Variants in RAB9B observed in about 807,000 individuals in gnomAD.
The protein encoded by RAB9B is ras-related protein Rab-9B.
In RAB9B, 1 loss-of-function variant was observed where a neutral mutation model predicts 8.9. That is an observed-to-expected ratio of 0.11 (90% CI 0.04 to 0.53). The LOEUF is 0.53. RAB9B is among the 20% of genes least tolerant of loss of function. The pLI is 0.93. For missense variants in RAB9B, 82 were observed against 152.9 expected (o/e 0.54, Z 2.45); for synonymous variants, 63 against 57.0 (o/e 1.10, Z -0.47).
downstream of RAB9B, among the ~76,000 whole-genome samples, chrX:103,820,921 G>A (rs369124734): frequency 9.5e-6 from 1 of 105,805 alleles, no homozygotes; most frequent in East Asian, 2.9e-4. Flanking sequence ...CTGCACTCCA[G>A]CCTGGGCAAC....
At chrX:103,786,667 G>A in the RAB9B span, 1 of 1,211,368 alleles carries the variant, frequency 8.3e-7, no homozygotes, top group Non-Finnish European at 1.1e-6. Flanking sequence ...CCAACATCAA[G>A]CTCATTCTTT....
the RAB9B span, among the ~76,000 whole-genome samples, chrX:103,802,612 A>G: frequency 8.9e-6 from 1 of 112,138 alleles, no homozygotes; most frequent in Admixed American, 9.4e-5. Context: ...AAATAAACTC[A>G]TATCACCAGC....
rs1422038578 is a variant in RAB9B, at chrX:103,823,415, A to G, written c.*1764T>C. 1 of 111,581 alleles carries G rather than the reference A, an allele frequency of 9.0e-6. No individual in the cohort carries two copies. Among genetic ancestry groups the G allele is most frequent in the Non-Finnish European group, 1.9e-5 (1 of 53,155 alleles). The allele number at this position is 111,581 out of a possible 1,213,427, so 9.2% of individuals were successfully genotyped here. A position where few individuals can be genotyped will look rare whatever the true frequency, so the allele number is the denominator to read the frequency against. ...TTGAAATACTGTCCTCTTCTTTTCT[A>G]TTTGGCCAATATGTCCCAGAGCTCT... On this transcript the variant is annotated 3_prime_UTR_variant, in exon 3 of 3. Coordinates refer to ENST00000243298, the MANE Select transcript of RAB9B (RefSeq NM_016370.4).
the RAB9B span, among the ~76,000 whole-genome samples, chrX:103,816,700 T>C: frequency 8.9e-6 from 1 of 112,006 alleles, no homozygotes; most frequent in African/African-American, 3.2e-5. Flanking sequence ...AGGGCTAATA[T>C]CCAGAATCTA....
downstream of RAB9B, among the ~76,000 whole-genome samples, chrX:103,817,713 A>G (rs1009881389): frequency 8.1e-5 from 9 of 110,543 alleles, no homozygotes; most frequent in Admixed American, 2.0e-4. Flanking sequence ...CTATCTCTGC[A>G]TTTATATTTA....
At chrX:103,794,229 G>A in the RAB9B span, among the ~76,000 whole-genome samples, 9 of 111,583 alleles carry the variant, frequency 8.1e-5, no homozygotes, top group Non-Finnish European at 9.4e-5. Flanking sequence ...TCTCCCCTCA[G>A]TATGTGGGAG....
At chrX:103,782,362 AG>A in the RAB9B span, among the ~76,000 whole-genome samples, 2 of 112,145 alleles carry the variant, frequency 1.8e-5, no homozygotes, top group Admixed American at 1.9e-4. Flanking sequence ...GGAGCAGAAA[AG>A]GGGATGCTAA....
chrX:103,779,189 C>T, the RAB9B span, among the ~76,000 whole-genome samples: 1 of 112,390 alleles, frequency 8.9e-6, no homozygotes, highest in Non-Finnish European at 1.9e-5. Context: ...AGAGCAGTAG[C>T]TGATTATTCT....
At chrX:103,788,272 C>A in the RAB9B span, among the ~76,000 whole-genome samples, 1 of 111,944 alleles carries the variant, frequency 8.9e-6, no homozygotes, top group Admixed American at 9.5e-5. Context: ...TCAATACCAC[C>A]TTCTCTTTTT....
At position 103,823,548 on chromosome X, in the gene RAB9B, G is replaced by C. The variant is rs757442446; in HGVS notation, c.*1631C>G. The C allele has an allele frequency of 1.8e-5, 2 of 111,337 alleles. No homozygotes were observed. The highest frequency in any genetic ancestry group is 3.8e-4 in the South Asian group (1 of 2,621). The allele number at this position is 111,337 out of a possible 1,213,427, so 9.2% of individuals were successfully genotyped here. ...AGCTCCCACCCCCTTCCTGGCCTAG[G>C]TCTCTTTTTGGGGTAATTTCTGTCT... On this transcript the variant is annotated 3_prime_UTR_variant, in exon 3 of 3. Transcript: ENST00000243298.
the RAB9B span, among the ~76,000 whole-genome samples, chrX:103,807,917 T>C: frequency 8.9e-6 from 1 of 112,350 alleles, no homozygotes; most frequent in Non-Finnish European, 1.9e-5. Flanking sequence ...TTCTGAGCAC[T>C]GAGCAGTCAT....
At chrX:103,783,869 C>G in the RAB9B span, among the ~76,000 whole-genome samples, 2 of 111,746 alleles carry the variant, frequency 1.8e-5, no homozygotes, top group Non-Finnish European at 3.8e-5. Flanking sequence ...CTTCCCAGTA[C>G]ATTTGCTGAG....
At chrX:103,797,420 A>T in the RAB9B span, among the ~76,000 whole-genome samples, 1 of 112,337 alleles carries the variant, frequency 8.9e-6, no homozygotes, top group Admixed American at 9.4e-5. Context: ...TGGACACCAG[A>T]GACACACAGC....
chrX:103,782,853 A>G, the RAB9B span, among the ~76,000 whole-genome samples: 1 of 111,868 alleles, frequency 8.9e-6, no homozygotes, highest in Non-Finnish European at 1.9e-5. Context: ...AGATCTCAGG[A>G]AAGAACAAGG....
At chrX:103,788,841 T>A in the RAB9B span, 1 of 320,282 alleles carries the variant, frequency 3.1e-6, no homozygotes, top group Non-Finnish European at 5.5e-6. Context: ...ATCAAGAAAA[T>A]GGGCTGTGCA....
chrX:103,812,624 T>C, the RAB9B span, among the ~76,000 whole-genome samples: 1 of 112,294 alleles, frequency 8.9e-6, no homozygotes, highest in African/African-American at 3.2e-5. Context: ...TCAGAGACTA[T>C]TGTGGAGGCA....
At chrX:103,811,135 G>T in the RAB9B span, among the ~76,000 whole-genome samples, 4 of 111,702 alleles carry the variant, frequency 3.6e-5, no homozygotes, top group Non-Finnish European at 1.9e-5. Flanking sequence ...TCAAAAAATG[G>T]TAAGTTTTCT....
chrX:103,822,200 A>C (rs2074663725), downstream of RAB9B: 1 of 112,078 alleles, frequency 8.9e-6, no homozygotes, highest in Non-Finnish European at 1.9e-5. Flanking sequence ...TTGGAGTACC[A>C]CATGAAACAT....
At chrX:103,816,807 T>C in the RAB9B span, among the ~76,000 whole-genome samples, 4 of 112,437 alleles carry the variant, frequency 3.6e-5, no homozygotes, top group African/African-American at 1.3e-4. Flanking sequence ...AAGACATTTA[T>C]TCAGCCAACA....
Sources: allele counts gnomAD v4.1 joint callset (sites outside exome capture counted in the v4.1 genomes callset), GRCh38; gene constraint gnomAD v4.1.1; transcripts MANE v1.5; gene names NCBI Gene and HGNC (gene_info 2026-07-23, HGNC 2026-07-21).